ZBBX: variants seen among roughly 807,000 people sequenced by gnomAD.
The protein encoded by ZBBX is zinc finger B-box domain-containing protein 1.
ZBBX carries 101 observed loss-of-function variants against 108.5 expected under a neutral mutation model. That is an observed-to-expected ratio of 0.93 (90% CI 0.79 to 1.10). The LOEUF (loss-of-function observed/expected upper bound fraction) is 1.10, where lower values mean the gene tolerates loss of function less well. ZBBX is among the 50% of genes least tolerant of loss of function. The probability of loss-of-function intolerance (pLI) is 0.00; values close to 1 mark genes in which losing one functional copy is unlikely to be tolerated. For missense variants in ZBBX, 1,009 were observed against 941.4 expected (o/e 1.07, Z -0.94); for synonymous variants, 356 against 323.4 (o/e 1.10, Z -1.08).
At chr3:167,320,318 A>G (rs1426969451) in intron 12 of ZBBX, among the ~76,000 whole-genome samples, 2 of 151,812 alleles carry the variant, frequency 1.3e-5, no homozygotes, top group African/African-American at 2.4e-5. Flanking sequence ...CACAATGGCC[A>G]AGGCAGAAAT....
chr3:167,385,070 C>A (rs1747867273), upstream of ZBBX, among the ~76,000 whole-genome samples: 1 of 152,102 alleles, frequency 6.6e-6, no homozygotes, highest in South Asian at 2.1e-4. Context: ...TTCACTATAA[C>A]CTCAATTTAA....
At chr3:167,350,547 T>A in intron 8 of ZBBX, 32 bp from the exon 9 acceptor site, 1 of 1,427,878 alleles carries the variant, frequency 7.0e-7, no homozygotes, top group South Asian at 1.4e-5. Flanking sequence ...AATTATACAA[T>A]CTTATAAAAT....
chr3:167,186,699 A>G, the ZBBX span, among the ~76,000 whole-genome samples: 1 of 152,166 alleles, frequency 6.6e-6, no homozygotes, highest in East Asian at 1.9e-4. Context: ...ATATATACAT[A>G]AAGGGTTTCT....
In ZBBX at chr3:167,240,024, TC is replaced by T. The variant is rs1720424174; in HGVS notation, c.*768del. ...CATCAGATCACATGAGAACTCATTA[TC>T]ACGAGAACAGCAGCATAGGGGTAAC... On this transcript the variant is annotated 3_prime_UTR_variant, in exon 22 of 22. Transcript: ENST00000675490. Among the ~76,000 whole-genome samples, 1 of 152,072 alleles carries T rather than the reference TC, an allele frequency of 6.6e-6. No individual in the cohort carries two copies. The highest frequency in any genetic ancestry group is 1.5e-5 in the Non-Finnish European group (1 of 67,994).
At chr3:167,329,419 T>C (rs965977182) in intron 10 of ZBBX, among the ~76,000 whole-genome samples, 6 of 152,240 alleles carry the variant, frequency 3.9e-5, no homozygotes, top group Admixed American at 3.9e-4. Context: ...AAGACGTATA[T>C]AAGAAATTTT....
At chr3:167,370,511 A>C (rs549911654) in intron 4 of ZBBX, among the ~76,000 whole-genome samples, 25 of 152,330 alleles carry the variant, frequency 1.6e-4, no homozygotes, top group Admixed American at 6.5e-4. Context: ...GAGTTAAAAA[A>C]ACAAATATGA....
chr3:167,350,555 A>C (rs776102663), intron 8 of ZBBX, 40 bp from the exon 9 acceptor site: 148 of 1,384,482 alleles, frequency 1.1e-4, no homozygotes, highest in Non-Finnish European at 1.4e-4. Flanking sequence ...AATCTTATAA[A>C]ATAGTATGAT....
intron 19 of ZBBX, among the ~76,000 whole-genome samples, chr3:167,286,499 A>C (rs997155932): frequency 2.0e-5 from 3 of 152,178 alleles, no homozygotes; most frequent in African/African-American, 7.2e-5. Flanking sequence ...AAATAGTAGA[A>C]TATAATGGAA....
At chr3:167,289,518 C>T (rs1418805307) in intron 18 of ZBBX, among the ~76,000 whole-genome samples, 1 of 152,190 alleles carries the variant, frequency 6.6e-6, no homozygotes, top group African/African-American at 2.4e-5. Context: ...AAAGGAACTC[C>T]CTCTCCTAGC....
At chr3:167,344,888 C>T (rs1012326228) in intron 9 of ZBBX, among the ~76,000 whole-genome samples, 3 of 151,730 alleles carry the variant, frequency 2.0e-5, no homozygotes. Context: ...AGTATGTTGC[C>T]TAGGAATGTA....
intron 1 of ZBBX, among the ~76,000 whole-genome samples, chr3:167,401,174 G>A (rs78861159): frequency 0.011 from 1,649 of 152,248 alleles, 30 homozygotes; most frequent in African/African-American, 0.038. Context: ...ATCTAAGATT[G>A]TATATCAGGG....
At chr3:167,339,614 CT>C (rs567031806) in intron 9 of ZBBX, among the ~76,000 whole-genome samples, 86 of 152,166 alleles carry the variant, frequency 5.7e-4, no homozygotes, top group African/African-American at 1.8e-3. Flanking sequence ...CCCTCAAGCC[CT>C]GTTAATTAGG....
chr3:167,276,065 G>A (rs1159316601), intron 20 of ZBBX, among the ~76,000 whole-genome samples: 1 of 152,028 alleles, frequency 6.6e-6, no homozygotes, highest in Non-Finnish European at 1.5e-5. Context: ...TGCAGCTGAG[G>A]GTCCTGTCTG....
chr3:167,225,354 C>A, the ZBBX span, among the ~76,000 whole-genome samples: 1 of 151,846 alleles, frequency 6.6e-6, no homozygotes, highest in African/African-American at 2.4e-5. Flanking sequence ...CTTGTCTTCA[C>A]CATCATCACG....
the ZBBX span, among the ~76,000 whole-genome samples, chr3:167,184,967 C>T: frequency 9.2e-5 from 14 of 152,120 alleles, no homozygotes; most frequent in Non-Finnish European, 2.1e-4. Context: ...AATTAGGGGA[C>T]ACTAGGTAAA....
At chr3:167,191,928 T>TAGAGAGAGAGAGAGAGAG in the ZBBX span, among the ~76,000 whole-genome samples, 35 of 125,766 alleles carry the variant, frequency 2.8e-4, no homozygotes, top group African/African-American at 1.1e-3. Context: ...TATATATATA[T>TAGAGAGAGAGAGAGAGAG]ATATATAGAG....
chr3:167,305,375 C>G (rs941701163), intron 17 of ZBBX, among the ~76,000 whole-genome samples: 1 of 152,014 alleles, frequency 6.6e-6, no homozygotes, highest in Non-Finnish European at 1.5e-5. Context: ...CTTTTCCATG[C>G]TCTTACTATG....
At chr3:167,328,571 C>T (rs1194723968) in intron 10 of ZBBX, among the ~76,000 whole-genome samples, 1 of 152,054 alleles carries the variant, frequency 6.6e-6, no homozygotes, top group Non-Finnish European at 1.5e-5. Context: ...AAGTTCCTAC[C>T]AGGACCTACA....
intron 20 of ZBBX, among the ~76,000 whole-genome samples, chr3:167,279,923 G>A (rs1368522528): frequency 2.6e-5 from 4 of 151,958 alleles, no homozygotes; most frequent in Non-Finnish European, 5.9e-5. Flanking sequence ...GAACAGAACA[G>A]AGCCCTCAGA....
Sources: allele counts gnomAD v4.1 joint callset (sites outside exome capture counted in the v4.1 genomes callset), GRCh38; gene constraint gnomAD v4.1.1; transcripts MANE v1.5; gene names NCBI Gene and HGNC (gene_info 2026-07-23, HGNC 2026-07-21).